TAOK3: variants seen among roughly 807,000 people sequenced by gnomAD.
TAOK3 encodes the protein TAO kinase 3.
Under a neutral mutation model 120.4 loss-of-function variants are expected in TAOK3, and 40 were observed. The observed-to-expected ratio is 0.33, with a 90% CI of 0.26 to 0.43. The LOEUF (loss-of-function observed/expected upper bound fraction) is 0.43. Ranked by LOEUF, TAOK3 falls within the 20% of genes least tolerant of loss-of-function variation. TAOK3 has a pLI of 1.00. For missense variants in TAOK3, 821 were observed against 1,112.1 expected, an observed-to-expected ratio of 0.74 and a Z score of 3.72; for synonymous variants, 355 against 387.5, an observed-to-expected ratio of 0.92 and a Z score of 0.99.
At chr12:118,296,111 T>A (rs2042671195) in intron 1 of TAOK3, among the ~76,000 whole-genome samples, 1 of 152,212 alleles carries the variant, frequency 6.6e-6, no homozygotes, top group African/African-American at 2.4e-5. Context: ...ACATTAAATG[T>A]GGCAAACACT....
At chr12:118,188,515 AT>A (rs2037212780) in intron 14 of TAOK3, among the ~76,000 whole-genome samples, 1 of 152,236 alleles carries the variant, frequency 6.6e-6, no homozygotes, top group Non-Finnish European at 1.5e-5. Context: ...AAGTGGGCTT[AT>A]TTATAAGCAG....
chr12:118,251,175 C>T (rs2040735981), intron 3 of TAOK3, among the ~76,000 whole-genome samples: 1 of 152,052 alleles, frequency 6.6e-6, no homozygotes, highest in Non-Finnish European at 1.5e-5. Flanking sequence ...ACTGAAGAGA[C>T]CAAAGCAGGC....
At chr12:118,306,215 G>A (rs1274604932) in intron 1 of TAOK3, among the ~76,000 whole-genome samples, 1 of 152,144 alleles carries the variant, frequency 6.6e-6, no homozygotes, top group Non-Finnish European at 1.5e-5. Context: ...GGGTTTTGGT[G>A]TATAGATTAT....
At chr12:118,267,970 T>C (rs960084371) in intron 1 of TAOK3, among the ~76,000 whole-genome samples, 4 of 152,074 alleles carry the variant, frequency 2.6e-5, no homozygotes, top group East Asian at 1.9e-4. Context: ...CTTTTCTCCA[T>C]GGACGTATTT....
At chr12:118,255,368 C>A in intron 3 of TAOK3, 80 bp downstream of exon 3, 3 of 1,500,376 alleles carry the variant, frequency 2.0e-6, no homozygotes, top group Non-Finnish European at 2.7e-6. Context: ...GCTAGGATTA[C>A]AGGCGTGAGT....
At chr12:118,212,275 G>A (rs1381293868) in intron 11 of TAOK3, among the ~76,000 whole-genome samples, 6 of 152,116 alleles carry the variant, frequency 3.9e-5, no homozygotes, top group African/African-American at 7.2e-5. Context: ...ACTATTGTGC[G>A]CCAAATAAAA....
At chr12:118,230,787 G>A (rs930186407) in intron 9 of TAOK3, among the ~76,000 whole-genome samples, 1 of 151,962 alleles carries the variant, frequency 6.6e-6, no homozygotes, top group Non-Finnish European at 1.5e-5. Context: ...GAACTTTTAC[G>A]TAGTATTGTG....
intron 1 of TAOK3, among the ~76,000 whole-genome samples, chr12:118,297,801 G>C (rs568124384): frequency 6.6e-6 from 1 of 152,256 alleles, no homozygotes; most frequent in Non-Finnish European, 1.5e-5. Flanking sequence ...AAAAGAACTA[G>C]TATCTATTCA....
intron 1 of TAOK3, among the ~76,000 whole-genome samples, chr12:118,313,303 T>G (rs1250342846): frequency 3.3e-5 from 5 of 151,792 alleles, no homozygotes; most frequent in Non-Finnish European, 7.4e-5. Context: ...TGAGACCGAG[T>G]TTTTGCTCTG....
rs2040061097 is a variant in TAOK3 at position 118,237,410 on chromosome 12, C to A, written c.437+663G>T. Among the ~76,000 whole-genome samples, 3 of 152,070 alleles carry A rather than the reference C, an allele frequency of 2.0e-5. No homozygotes were observed. The South Asian group carries it at 6.2e-4, about 31-fold the overall frequency. On this transcript the variant is annotated intron_variant, in intron 7 of 20. Coordinates refer to ENST00000392533, the MANE Select transcript of TAOK3 (RefSeq NM_016281.4). Reference sequence around the variant, plus strand: ...AAGAAAAGATTGGTAACATGTTTCTCTAGAAGTTAATGGAGGGAGGGAGGT... The same window carrying A: ...AAGAAAAGATTGGTAACATGTTTCTATAGAAGTTAATGGAGGGAGGGAGGT...
chr12:118,319,943 C>T (rs115519781), intron 1 of TAOK3, among the ~76,000 whole-genome samples: 49 of 152,184 alleles, frequency 3.2e-4, no homozygotes, highest in African/African-American at 1.0e-3. Flanking sequence ...GTGGAAACAA[C>T]GTGAAGTGTC....
intron 1 of TAOK3, among the ~76,000 whole-genome samples, chr12:118,279,370 A>T (rs2042012327): frequency 6.6e-6 from 1 of 151,988 alleles, no homozygotes. Context: ...CCCATTCTGT[A>T]GGATGTTTAT....
chr12:118,255,032 G>C (rs1023034248), intron 3 of TAOK3, among the ~76,000 whole-genome samples: 4 of 152,194 alleles, frequency 2.6e-5, no homozygotes, highest in Non-Finnish European at 5.9e-5. Context: ...AGAGTGCTGG[G>C]ATTACAGGCG....
chr12:118,365,239 A>AT (rs1234926300), intron 1 of TAOK3, among the ~76,000 whole-genome samples: 1 of 151,744 alleles, frequency 6.6e-6, no homozygotes, highest in Non-Finnish European at 1.5e-5. Context: ...CTCTTTTTTA[A>AT]TTTTTTTATT....
chr12:118,338,144 G>C (rs1016419051), intron 1 of TAOK3, among the ~76,000 whole-genome samples: 1 of 152,132 alleles, frequency 6.6e-6, no homozygotes, highest in East Asian at 1.9e-4. Context: ...AGCATTTATT[G>C]AGTTGCTCTT....
intron 17 of TAOK3, among the ~76,000 whole-genome samples, chr12:118,167,388 TC>T (rs1369245457): frequency 6.6e-6 from 1 of 151,882 alleles, no homozygotes; most frequent in Admixed American, 6.6e-5. Context: ...CGAAAATGTA[TC>T]CCCCAAAATA....
At position 118,361,416 on chromosome 12, in the gene TAOK3, A is replaced by G. The variant is rs1458903001; in HGVS notation, c.-194+11232T>C. Among the ~76,000 whole-genome samples the G allele has an allele frequency of 5.3e-5, 8 of 152,188 alleles. No individual in the cohort carries two copies. In the South Asian group the frequency reaches 1.7e-3, roughly 32 times the overall value. ...CCCCGAGAGTAGAATTTGCAGATGA[A>G]TACTACTCTTCCAAACTATCATTTA... On this transcript the variant is annotated intron_variant, in intron 1 of 20. Transcript: ENST00000392533.
At chr12:118,202,001 TA>T (rs1176123079) in intron 11 of TAOK3, among the ~76,000 whole-genome samples, 1 of 152,100 alleles carries the variant, frequency 6.6e-6, no homozygotes, top group East Asian at 1.9e-4. Flanking sequence ...TTTTGTGTTT[TA>T]TTCTTTGTTT....
intron 19 of TAOK3, among the ~76,000 whole-genome samples, chr12:118,156,788 G>A (rs1175696627): frequency 2.0e-5 from 3 of 151,772 alleles, no homozygotes; most frequent in Non-Finnish European, 2.9e-5. Context: ...AGGCTGGAGT[G>A]CAGTGGCGTG....
Sources: allele counts gnomAD v4.1 joint callset (sites outside exome capture counted in the v4.1 genomes callset), GRCh38; gene constraint gnomAD v4.1.1; transcripts MANE v1.5; gene names NCBI Gene and HGNC (gene_info 2026-07-23, HGNC 2026-07-21).